KLF13: variants seen among roughly 807,000 people sequenced by gnomAD.
KLF13 encodes Krueppel-like factor 13.
KLF13 carries 8 observed loss-of-function variants against 16.7 expected under a neutral mutation model. The observed-to-expected ratio is 0.48, with a 90% CI of 0.28 to 0.87. The LOEUF (loss-of-function observed/expected upper bound fraction) is 0.87. Among genes scored for constraint, KLF13 ranks in the 40% least tolerant of loss-of-function variants. The pLI is 0.10. For synonymous variants in KLF13, 245 were observed against 208.4 expected (o/e 1.18, Z -1.51); for missense variants, 447 against 452.2 (o/e 0.99, Z 0.10).
chr15:31,418,028 T>G (rs888060253), intron 1 of KLF13, among the ~76,000 whole-genome samples: 18 of 152,250 alleles, frequency 1.2e-4, no homozygotes, highest in Admixed American at 3.3e-4. Flanking sequence ...CTAAAAAAGA[T>G]TTACTGTGCA....
intron 2 of KLF13, among the ~76,000 whole-genome samples, chr15:31,401,478 G>A (rs1008492926): frequency 3.9e-5 from 6 of 152,222 alleles, no homozygotes; most frequent in African/African-American, 1.4e-4. Flanking sequence ...GCTTTGAGGG[G>A]AGCAGGGGTC....
intron 1 of KLF13, among the ~76,000 whole-genome samples, chr15:31,340,352 T>TG (rs1187037920): frequency 3.3e-5 from 5 of 152,242 alleles, no homozygotes; most frequent in African/African-American, 7.2e-5. Context: ...TGCCTGGTGT[T>TG]GCTTGTGCAC....
chr15:31,419,119 C>G lies in KLF13; in HGVS notation n.118-16251C>G, dbSNP rs148336190. Reference sequence around the variant, plus strand: ...TGGTGTATTTCATGGTGCATCCCCCCAGAAAAGGCTTGAGAGGCCCCCAGA... The same window carrying G: ...TGGTGTATTTCATGGTGCATCCCCCGAGAAAAGGCTTGAGAGGCCCCCAGA... On this transcript the variant is annotated intron_variant and non_coding_transcript_variant, in intron 1 of 1. Transcript: ENST00000558225. Among the ~76,000 whole-genome samples the G allele has an allele frequency of 4.4e-3, 674 of 152,242 alleles. 4 individuals carry two copies. Among genetic ancestry groups the G allele is most frequent in the African/African-American group, 0.015 (617 of 41,538 alleles).
intron 1 of KLF13, among the ~76,000 whole-genome samples, chr15:31,331,012 G>T (rs900770716): frequency 2.0e-5 from 3 of 152,250 alleles, no homozygotes; most frequent in African/African-American, 7.2e-5. Flanking sequence ...CCTGCCTCTG[G>T]AGAGTCCTGC....
intron 1 of KLF13, among the ~76,000 whole-genome samples, chr15:31,361,590 G>T (rs527335623): frequency 6.6e-6 from 1 of 152,104 alleles, no homozygotes; most frequent in Non-Finnish European, 1.5e-5. Context: ...GGAAATGAAG[G>T]CTGGGGGAGG....
At position 31,372,287 on chromosome 15, in the gene KLF13, C is replaced by T; in HGVS notation, c.855C>T (p.Ala285=). The T allele has an allele frequency of 6.8e-7, 1 of 1,475,874 alleles. No individual in the cohort carries two copies. Among genetic ancestry groups the T allele is most frequent in the African/African-American group, 1.4e-5 (1 of 71,446 alleles). The allele number at this position is 1,475,874 out of a possible 1,614,324, so 91.4% of individuals were successfully genotyped here. A position where few individuals can be genotyped will look rare whatever the true frequency, so the allele number is the denominator to read the frequency against. ...CCAGCAGCCCCACCATCAGCCCGGCCAGCTCGCCCTGAGCCCGCCACAGCC... is the reference window on the plus strand; with the variant it reads ...CCAGCAGCCCCACCATCAGCCCGGCTAGCTCGCCCTGAGCCCGCCACAGCC... ...SDASSPTISP[A]SSP Residue 285 remains alanine (A), a synonymous_variant, in exon 2 of 2, where the codon GCC becomes GCT. Transcript: ENST00000307145.
intron 1 of KLF13, among the ~76,000 whole-genome samples, chr15:31,370,138 T>C (rs1033164704): frequency 6.6e-6 from 1 of 151,642 alleles, no homozygotes; most frequent in Non-Finnish European, 1.5e-5. Flanking sequence ...TCTCACTTGA[T>C]TGTAATTGTC....
intron 1 of KLF13, among the ~76,000 whole-genome samples, chr15:31,418,314 T>G (rs1397197518): frequency 1.3e-5 from 2 of 152,098 alleles, no homozygotes; most frequent in Non-Finnish European, 2.9e-5. Flanking sequence ...AAAATATCCA[T>G]TTGAAGAAAT....
Position 31,372,024 on chromosome 15 carries a change from G to C in KLF13, c.592G>C (p.Ala198Pro). 2 of 1,606,222 alleles carry C rather than the reference G, an allele frequency of 1.2e-6. No homozygotes were observed. The highest frequency in any genetic ancestry group is 1.7e-6 in the Non-Finnish European group (2 of 1,177,008). ...TGTGCCCACAGGTGAGAGGCCCTTCGCCTGCAGCTGGCAGGACTGCAACAA... is the reference window on the plus strand; with the variant it reads ...TGTGCCCACAGGTGAGAGGCCCTTCCCCTGCAGCTGGCAGGACTGCAACAA... ...LRTHTGERPF[A>P]CSWQDCNKKF... Residue 198 changes from alanine to proline, a missense_variant, in exon 2 of 2, where the codon GCC becomes CCC. Ala to Pro is a conservative substitution (Grantham distance 27). This residue lies in a region of KLF13 where 88 missense variants were observed against 169.5 expected (regional missense o/e 0.52). Coordinates refer to ENST00000307145, the MANE Select transcript of KLF13 (RefSeq NM_015995.4).
At chr15:31,399,953 C>G (rs951000519) in intron 2 of KLF13, among the ~76,000 whole-genome samples, 6 of 152,238 alleles carry the variant, frequency 3.9e-5, no homozygotes, top group Non-Finnish European at 2.9e-5. Flanking sequence ...TTAGCTGCCC[C>G]CTTTGAACTT....
In KLF13 at chr15:31,349,162, A is replaced by G. The variant is rs2039176373; in HGVS notation, c.577+21373A>G. On this transcript the variant is annotated intron_variant, in intron 1 of 1. Transcript: ENST00000307145. ...TAGGGTGGGGTACTGTATCCTCTGC[A>G]GGCCTACTCCCCCAACTCATGGCAG... Among the ~76,000 whole-genome samples the G allele has an allele frequency of 2.0e-5, 3 of 152,168 alleles. No individual in the cohort carries two copies. In the South Asian group the frequency reaches 6.2e-4, roughly 32 times the overall value.
In KLF13 at chr15:31,423,112, C is replaced by CGTATATATAT. The variant is rs2040352630; in HGVS notation, n.118-12249_118-12248insTGTATATATA. 1.7e-5 allele frequency among the ~76,000 whole-genome samples: 2 copies of CGTATATATAT among 115,820 alleles called. 1 individual carries two copies. Among genetic ancestry groups the CGTATATATAT allele is most frequent in the Admixed American group, 1.6e-4 (2 of 12,600 alleles). The allele number at this position is 115,820 out of a possible 152,430, so 76.0% of individuals were successfully genotyped here. A position where few individuals can be genotyped will look rare whatever the true frequency, so the allele number is the denominator to read the frequency against. Reference sequence around the variant, plus strand: ...ATACGTATATATACGTATACGTATACGTATATATACGTATATATACGTATA... The same window carrying CGTATATATAT: ...ATACGTATATATACGTATACGTATACGTATATATATGTATATATACGTATATATACGTATA... On this transcript the variant is annotated intron_variant and non_coding_transcript_variant, in intron 1 of 1. Coordinates refer to the KLF13 transcript ENST00000558225.
downstream of KLF13, among the ~76,000 whole-genome samples, chr15:31,379,181 G>A (rs936578983): frequency 6.6e-6 from 1 of 152,212 alleles, no homozygotes; most frequent in African/African-American, 2.4e-5. Context: ...CATAGACTGG[G>A]GGGAGGGAGG....
At chr15:31,414,191 C>T (rs1482911319) in intron 1 of KLF13, among the ~76,000 whole-genome samples, 2 of 151,728 alleles carry the variant, frequency 1.3e-5, no homozygotes, top group East Asian at 3.9e-4. Flanking sequence ...TATGGTAGGC[C>T]CTAGAGCAAC....
chr15:31,389,226 T>G (rs2039831338), upstream of KLF13, among the ~76,000 whole-genome samples: 1 of 152,218 alleles, frequency 6.6e-6, no homozygotes, highest in South Asian at 2.1e-4. Flanking sequence ...TTTCTTATAA[T>G]TATTTTCTTA....
chr15:31,328,268 G>A (rs1027124815), intron 1 of KLF13, among the ~76,000 whole-genome samples: 1 of 151,610 alleles, frequency 6.6e-6, no homozygotes, highest in African/African-American at 2.4e-5. Context: ...GCCGGCCCCG[G>A]CGCGCGGCGG....
At position 31,372,061 on chromosome 15, in the gene KLF13, G is replaced by A; in HGVS notation, c.629G>A (p.Arg210His). Residue 210 changes from arginine (R) to histidine (H), a missense_variant, in exon 2 of 2, where the codon CGC (arginine) becomes CAC (histidine). Transcript: ENST00000307145. ...CAGGACTGCAACAAGAAGTTCGCGCGCTCCGACGAGCTGGCGCGGCACTAC... is the reference window on the plus strand; with the variant it reads ...CAGGACTGCAACAAGAAGTTCGCGCACTCCGACGAGCTGGCGCGGCACTAC... ...SWQDCNKKFA[R>H]SDELARHYRT... The A allele has an allele frequency of 1.2e-6, 2 of 1,612,198 alleles. No homozygotes were observed. Among genetic ancestry groups the A allele is most frequent in the Non-Finnish European group, 1.7e-6 (2 of 1,179,696 alleles).
At chr15:31,341,891 A>G (rs1248332015) in intron 1 of KLF13, among the ~76,000 whole-genome samples, 1 of 152,154 alleles carries the variant, frequency 6.6e-6, no homozygotes, top group African/African-American at 2.4e-5. Flanking sequence ...CTGGCTGCAG[A>G]AAAGTGGTAC....
At chr15:31,361,627 A>T (rs2140957019) in intron 1 of KLF13, among the ~76,000 whole-genome samples, 1 of 152,170 alleles carries the variant, frequency 6.6e-6, no homozygotes, top group African/African-American at 2.4e-5. Context: ...GAAGTGGGCC[A>T]CGATGGTTGC....
Sources: gnomAD v4.1 joint callset for allele counts (sites outside exome capture counted in the v4.1 genomes callset) on GRCh38, gnomAD v4.1.1 for gene constraint, gnomAD v4.1.1 regional missense constraint, MANE v1.5 for transcripts, NCBI Gene and HGNC (gene_info 2026-07-23, HGNC 2026-07-21) for gene names.